CADM2: variants seen among roughly 807,000 people sequenced by gnomAD.
CADM2 encodes the protein immunoglobulin superfamily member 4D.
CADM2 carries 12 observed loss-of-function variants against 49.8 expected under a neutral mutation model. The ratio of observed to expected loss-of-function variants is 0.24; its 90% CI spans 0.15 to 0.39. CADM2 has a LOEUF of 0.39. Ranked by LOEUF, CADM2 falls within the 10% of genes least tolerant of loss-of-function variation. The pLI is 1.00. For synonymous variants in CADM2, 214 were observed against 175.4 expected (o/e 1.22, Z -1.74); for missense variants, 378 against 492.3 (o/e 0.77, Z 2.20).
intron 2 of CADM2, among the ~76,000 whole-genome samples, chr3:85,751,066 G>C (rs1316165225): frequency 2.6e-5 from 4 of 152,192 alleles, no homozygotes; most frequent in South Asian, 2.1e-4. Flanking sequence ...AACTGGAAAA[G>C]AAAGAATGTA....
chr3:85,680,006 C>T (rs866963378), intron 1 of CADM2, among the ~76,000 whole-genome samples: 2 of 151,898 alleles, frequency 1.3e-5, no homozygotes, highest in Non-Finnish European at 2.9e-5. Context: ...ACCCATAAAA[C>T]ATTAAAAAAT....
At chr3:85,965,747 G>A (rs755275445) in intron 8 of CADM2, among the ~76,000 whole-genome samples, 6 of 151,462 alleles carry the variant, frequency 4.0e-5, no homozygotes, top group Non-Finnish European at 8.9e-5. Context: ...GAAACTACCC[G>A]AATGTGCATC....
At chr3:85,369,305 A>G (rs1238912917) in intron 1 of CADM2, among the ~76,000 whole-genome samples, 1 of 152,230 alleles carries the variant, frequency 6.6e-6, no homozygotes. Flanking sequence ...AGTCAATGAC[A>G]TATCATGACT....
intron 1 of CADM2, among the ~76,000 whole-genome samples, chr3:85,244,847 C>A (rs780480293): frequency 2.6e-5 from 4 of 152,176 alleles, no homozygotes; most frequent in Non-Finnish European, 5.9e-5. Context: ...GGGCTTTGAT[C>A]ATTCTTTACA....
intron 1 of CADM2, among the ~76,000 whole-genome samples, chr3:85,295,895 T>C (rs547809792): frequency 2.7e-5 from 4 of 150,832 alleles, no homozygotes; most frequent in South Asian, 4.2e-4. Context: ...ACCTGCACAA[T>C]GTGCACAAGT....
intron 1 of CADM2, among the ~76,000 whole-genome samples, chr3:85,079,178 C>T (rs569552205): frequency 6.6e-6 from 1 of 151,536 alleles, no homozygotes; most frequent in Non-Finnish European, 1.5e-5. Flanking sequence ...CATGAAATAG[C>T]AGAAATTTAA....
chr3:85,138,988 AT>A lies in CADM2; in HGVS notation c.61+179323del, dbSNP rs1490003626. Among the ~76,000 whole-genome samples, 9 of 152,306 alleles carry A rather than the reference AT, an allele frequency of 5.9e-5. No individual in the cohort carries two copies. The South Asian group carries it at 6.2e-4, about 11-fold the overall frequency. ...AGAAACAGTGGAAGTAACACAGCAC[AT>A]TTGAGTTCTATGTGTTCAGCTCATT... On this transcript the variant is annotated intron_variant, in intron 1 of 9. Transcript: ENST00000383699.
intron 8 of CADM2, chr3:86,014,971 T>G (rs1732027100): frequency 1.5e-6 from 2 of 1,318,964 alleles, no homozygotes; most frequent in Non-Finnish European, 2.2e-6. Context: ...AGGAACACTT[T>G]GACAGACCAA....
At chr3:85,948,838 G>A (rs906574897) in intron 7 of CADM2, among the ~76,000 whole-genome samples, 1 of 151,462 alleles carries the variant, frequency 6.6e-6, no homozygotes, top group African/African-American at 2.4e-5. Context: ...GATTGAGGAG[G>A]GCTCTAAAGC....
chr3:85,085,535 A>C (rs2037334865), intron 1 of CADM2, among the ~76,000 whole-genome samples: 7 of 151,998 alleles, frequency 4.6e-5, no homozygotes, highest in Admixed American at 3.3e-4. Context: ...GATCCCTGTT[A>C]GTTTATTCTT....
intron 1 of CADM2, among the ~76,000 whole-genome samples, chr3:85,102,845 TA>T (rs748464237): frequency 2.6e-5 from 4 of 152,082 alleles, no homozygotes; most frequent in East Asian, 1.9e-4. Flanking sequence ...ATATTTTACT[TA>T]AAAAAATGTG....
At chr3:85,390,679 G>T (rs1382227835) in intron 1 of CADM2, among the ~76,000 whole-genome samples, 1 of 152,008 alleles carries the variant, frequency 6.6e-6, no homozygotes, top group African/African-American at 2.4e-5. Context: ...CCTGAAAAGT[G>T]AACAAATATA....
chr3:85,906,680 C>A (rs1716849884), intron 5 of CADM2, among the ~76,000 whole-genome samples: 1 of 152,110 alleles, frequency 6.6e-6, no homozygotes, highest in Non-Finnish European at 1.5e-5. Flanking sequence ...AGATTTGCCT[C>A]AAGAATTTGT....
chr3:85,599,911 C>A (rs1473229660), intron 1 of CADM2, among the ~76,000 whole-genome samples: 1 of 33,922 alleles, frequency 2.9e-5, no homozygotes, highest in Non-Finnish European at 6.4e-5. Context: ...AAATTATGTA[C>A]ATAGTTAATA....
chr3:85,338,719 G>A (rs1027840770), intron 1 of CADM2, among the ~76,000 whole-genome samples: 7 of 151,298 alleles, frequency 4.6e-5, no homozygotes, highest in African/African-American at 1.7e-4. Context: ...GATTCCTAAG[G>A]TCTATGTTCT....
intron 1 of CADM2, among the ~76,000 whole-genome samples, chr3:85,347,960 A>T (rs1308085708): frequency 6.6e-6 from 1 of 151,902 alleles, no homozygotes; most frequent in Non-Finnish European, 1.5e-5. Flanking sequence ...GGCGCCCACC[A>T]CTGCGCCTGG....
At chr3:85,082,819 A>C (rs1487849482) in intron 1 of CADM2, among the ~76,000 whole-genome samples, 1 of 152,100 alleles carries the variant, frequency 6.6e-6, no homozygotes, top group Non-Finnish European at 1.5e-5. Flanking sequence ...GATGATGGGG[A>C]ATTGTGTAGC....
rs570813045 is a variant in CADM2, at chr3:85,619,317, A to T, written c.62-107205A>T. The stretch of plus-strand genomic sequence containing the variant: ...TCACTGGAAACTGATTTTCTTAATT[A>T]AAAAAAAGATGCAATGGAACTTTAA... On this transcript the variant is annotated intron_variant, in intron 1 of 9. Transcript: ENST00000383699. Among the ~76,000 whole-genome samples the T allele has an allele frequency of 2.6e-5, 4 of 151,942 alleles. No individual in the cohort carries two copies. In the East Asian group the frequency reaches 5.8e-4, roughly 22 times the overall value.
intron 1 of CADM2, among the ~76,000 whole-genome samples, chr3:85,598,724 T>A (rs1035344454): frequency 1.4e-4 from 21 of 151,970 alleles, no homozygotes; most frequent in African/African-American, 4.6e-4. Context: ...AGAAAAAAAA[T>A]TTTAAATTCC....
Sources: allele counts gnomAD v4.1 joint callset (sites outside exome capture counted in the v4.1 genomes callset), GRCh38; gene constraint gnomAD v4.1.1; transcripts MANE v1.5; gene names NCBI Gene and HGNC (gene_info 2026-07-23, HGNC 2026-07-21).